Variants in ANO3 observed in about 807,000 individuals in gnomAD.
ANO3 encodes the protein anoctamin 3.
Under a neutral mutation model 144.8 loss-of-function variants are expected in ANO3, and 99 were observed. The observed-to-expected ratio is 0.68, with a 90% CI of 0.58 to 0.81. The LOEUF is 0.81. Among genes scored for constraint, ANO3 ranks in the 30% least tolerant of loss-of-function variants. The pLI is 0.00. For missense variants in ANO3, 905 were observed against 1,202.2 expected (o/e 0.75, Z 3.66); for synonymous variants, 414 against 392.6 (o/e 1.05, Z -0.64).
chr11:26,278,389 G>A (rs564097538), intron 1 of ANO3, among the ~76,000 whole-genome samples: 2 of 152,230 alleles, frequency 1.3e-5, no homozygotes, highest in Admixed American at 6.5e-5. Flanking sequence ...AGACAAATTA[G>A]GGTTTTAGTG....
chr11:26,466,551 T>A (rs1590385543), intron 4 of ANO3, among the ~76,000 whole-genome samples: 1 of 152,018 alleles, frequency 6.6e-6, no homozygotes, highest in East Asian at 1.9e-4. Context: ...CCCTTTACCA[T>A]GTGAATAAGT....
At chr11:26,435,973 A>T (rs1858281355) in intron 1 of ANO3, among the ~76,000 whole-genome samples, 1 of 152,128 alleles carries the variant, frequency 6.6e-6, no homozygotes, top group Admixed American at 6.5e-5. Context: ...TGACCACTTG[A>T]GTTGCTAGAG....
At chr11:26,625,301 G>A (rs1852547792) in intron 18 of ANO3, among the ~76,000 whole-genome samples, 1 of 151,998 alleles carries the variant, frequency 6.6e-6, no homozygotes, top group Non-Finnish European at 1.5e-5. Flanking sequence ...TGCCATTATT[G>A]GATTTTATCT....
chr11:26,285,975 A>C (rs1466518656), intron 1 of ANO3: 22 of 152,080 alleles, frequency 1.4e-4, no homozygotes, highest in Non-Finnish European at 8.8e-5. Flanking sequence ...CTTACACACA[A>C]GGTGTTGTGA....
intron 1 of ANO3, among the ~76,000 whole-genome samples, chr11:26,354,240 A>G (rs1274203909): frequency 6.6e-6 from 1 of 152,200 alleles, no homozygotes; most frequent in African/African-American, 2.4e-5. Context: ...GATATCTACT[A>G]TGACATATAG....
At chr11:26,388,313 A>G (rs1856788275) in intron 1 of ANO3, among the ~76,000 whole-genome samples, 1 of 151,968 alleles carries the variant, frequency 6.6e-6, no homozygotes, top group African/African-American at 2.4e-5. Flanking sequence ...AATATTTTAT[A>G]TTTAAAATTT....
At chr11:26,376,588 TCGC>T (rs1856416460) in intron 1 of ANO3, among the ~76,000 whole-genome samples, 1 of 152,030 alleles carries the variant, frequency 6.6e-6, no homozygotes, top group Non-Finnish European at 1.5e-5. Flanking sequence ...CAAAGTTTAT[TCGC>T]ACCCCTACCC....
At chr11:26,328,691 G>A (rs1854953856), upstream of ANO3, among the ~76,000 whole-genome samples, 1 of 152,162 alleles carries the variant, frequency 6.6e-6, no homozygotes, top group South Asian at 2.1e-4. Context: ...GTTGTGGGGA[G>A]CAAGAGCAGC....
chr11:26,566,753 G>C (rs116868219), intron 14 of ANO3, among the ~76,000 whole-genome samples: 12,380 of 151,770 alleles, frequency 0.082, 670 homozygotes, highest in Non-Finnish European at 0.12. Flanking sequence ...TTCATAAATA[G>C]GGTGATATAG....
chr11:26,259,605 G>A (rs973709205), intron 1 of ANO3, among the ~76,000 whole-genome samples: 4 of 151,160 alleles, frequency 2.6e-5, no homozygotes, highest in African/African-American at 9.8e-5. Context: ...AGGGGCAGAG[G>A]TTGCAGTTAG....
chr11:26,197,834 C>CA (rs1338109173), intron 1 of ANO3, among the ~76,000 whole-genome samples: 1 of 152,164 alleles, frequency 6.6e-6, no homozygotes, highest in African/African-American at 2.4e-5. Flanking sequence ...TCCTCATCCA[C>CA]ATTAGGCTTC....
intron 2 of ANO3, 47 bp downstream of exon 2, chr11:26,442,159 G>GTTTTCCAAAAACTCCTTTCCTTCCT (rs1159073296): frequency 6.4e-7 from 1 of 1,567,496 alleles, no homozygotes; most frequent in East Asian, 2.2e-5. Flanking sequence ...AAAACTACGT[G>GTTTTCCAAAAACTCCTTTCCTTCCT]TTTTCCAAAC....
At chr11:26,334,481 T>C (rs1027579088) in intron 1 of ANO3, among the ~76,000 whole-genome samples, 3 of 152,234 alleles carry the variant, frequency 2.0e-5, no homozygotes, top group African/African-American at 7.2e-5. Flanking sequence ...AAATTGCACA[T>C]TAAAATGGAG....
intron 1 of ANO3, among the ~76,000 whole-genome samples, chr11:26,431,952 CT>C (rs1287409719): frequency 2.0e-5 from 3 of 151,896 alleles, no homozygotes; most frequent in Non-Finnish European, 4.4e-5. Context: ...AATAGTAATT[CT>C]TTTTTTTAGC....
At chr11:26,528,990 AG>A (rs1849235091) in intron 7 of ANO3, among the ~76,000 whole-genome samples, 2 of 145,768 alleles carry the variant, frequency 1.4e-5, no homozygotes, top group Non-Finnish European at 3.0e-5. Flanking sequence ...TTGATAAGTA[AG>A]TGATAACCTT....
chr11:26,507,685 A>G (rs1447550448), intron 4 of ANO3, among the ~76,000 whole-genome samples: 4 of 152,216 alleles, frequency 2.6e-5, no homozygotes, highest in Non-Finnish European at 5.9e-5. Context: ...AGTAGTATAT[A>G]GGATAAAATA....
chr11:26,553,016 A>G (rs1330920972), intron 12 of ANO3, among the ~76,000 whole-genome samples: 3 of 152,184 alleles, frequency 2.0e-5, no homozygotes, highest in Admixed American at 1.3e-4. Context: ...AATTATCTTG[A>G]CAGCATTTTC....
intron 11 of ANO3, among the ~76,000 whole-genome samples, chr11:26,543,629 C>T (rs1038794040): frequency 6.6e-6 from 1 of 152,054 alleles, no homozygotes; most frequent in African/African-American, 2.4e-5. Flanking sequence ...CCACGACAGG[C>T]CCCAGTGTGT....
chr11:26,261,245 C>T (rs1193318653), intron 1 of ANO3, among the ~76,000 whole-genome samples: 1 of 151,918 alleles, frequency 6.6e-6, no homozygotes, highest in African/African-American at 2.4e-5. Flanking sequence ...AATTACATGA[C>T]TTTATTTTCA....
Sources: gnomAD v4.1 joint callset for allele counts (sites outside exome capture counted in the v4.1 genomes callset) on GRCh38, gnomAD v4.1.1 for gene constraint, MANE v1.5 for transcripts, NCBI Gene and HGNC (gene_info 2026-07-23, HGNC 2026-07-21) for gene names.